Variants in CDH12 observed in about 807,000 individuals in gnomAD.
CDH12 encodes cadherin-12.
Under a neutral mutation model 74.1 loss-of-function variants are expected in CDH12, and 41 were observed. That is an observed-to-expected ratio of 0.55 (90% CI 0.43 to 0.72). The LOEUF (loss-of-function observed/expected upper bound fraction) is 0.72. Ranked by LOEUF, CDH12 falls within the 30% of genes least tolerant of loss-of-function variation. CDH12 has a pLI of 0.00. For missense variants in CDH12, 945 were observed against 977.2 expected (o/e 0.97, Z 0.44); for synonymous variants, 399 against 355.0 (o/e 1.12, Z -1.39).
chr5:21,775,809 T>C (rs1313221136), intron 11 of CDH12, among the ~76,000 whole-genome samples: 1 of 152,168 alleles, frequency 6.6e-6, no homozygotes, highest in South Asian at 2.1e-4. Flanking sequence ...AGCCAGATTG[T>C]TGCATTTCTC....
intron 2 of CDH12, among the ~76,000 whole-genome samples, chr5:22,475,816 G>A (rs1008547958): frequency 6.6e-6 from 1 of 151,918 alleles, no homozygotes; most frequent in Non-Finnish European, 1.5e-5. Flanking sequence ...TGCAAATTTT[G>A]AATTACTTTT....
chr5:21,818,270 CAT>C (rs1421021237), intron 8 of CDH12, among the ~76,000 whole-genome samples: 1 of 125,272 alleles, frequency 8.0e-6, no homozygotes, highest in Non-Finnish European at 1.7e-5. Context: ...TTTAGTTACA[CAT>C]TTGTGGAAAA....
intron 1 of CDH12, among the ~76,000 whole-genome samples, chr5:22,790,494 A>C (rs28738681): frequency 2.6e-5 from 4 of 152,058 alleles, no homozygotes; most frequent in Non-Finnish European, 5.9e-5. Flanking sequence ...AAAATGATCA[A>C]TGTAACTTTC....
intron 5 of CDH12, among the ~76,000 whole-genome samples, chr5:22,034,902 A>G (rs1330686303): frequency 2.0e-5 from 3 of 152,220 alleles, no homozygotes; most frequent in Non-Finnish European, 4.4e-5. Flanking sequence ...TACCAGGTAC[A>G]GTAAGTCATC....
At chr5:22,432,565 G>GTA (rs1330647282) in intron 2 of CDH12, among the ~76,000 whole-genome samples, 1 of 151,130 alleles carries the variant, frequency 6.6e-6, no homozygotes, top group East Asian at 1.9e-4. Flanking sequence ...GTGTGTGCGT[G>GTA]TGTGTGTGTG....
intron 1 of CDH12, among the ~76,000 whole-genome samples, chr5:22,681,223 T>C (rs981168457): frequency 8.8e-5 from 13 of 147,076 alleles, no homozygotes; most frequent in African/African-American, 3.3e-4. Context: ...TCCTGGGTAT[T>C]GGGGGGTGTG....
chr5:22,052,435 C>T lies in CDH12; in HGVS notation c.231+26011G>A, dbSNP rs192681528. Among the ~76,000 whole-genome samples the T allele has an allele frequency of 2.0e-3, 302 of 152,198 alleles. 4 individuals are homozygous for T. Among genetic ancestry groups the T allele is most frequent in the African/African-American group, 6.7e-3 (277 of 41,552 alleles). On this transcript the variant is annotated intron_variant, in intron 5 of 14. Transcript: ENST00000382254. ...CACCTATGACAGCCCACCCTGCCTC[C>T]CTCTAATCCCCTGTTCATGCTGCCA...
At chr5:22,713,125 G>A (rs981306117) in intron 1 of CDH12, among the ~76,000 whole-genome samples, 2 of 132,980 alleles carry the variant, frequency 1.5e-5, no homozygotes, top group Non-Finnish European at 3.2e-5. Context: ...ATGATCTTAT[G>A]CTAATTCTTT....
intron 1 of CDH12, among the ~76,000 whole-genome samples, chr5:22,753,951 A>C (rs1043597170): frequency 6.6e-6 from 1 of 152,140 alleles, no homozygotes; most frequent in African/African-American, 2.4e-5. Context: ...CTTAATGAAA[A>C]GGGGAACAGC....
rs70959715 is a variant in CDH12, at chr5:22,315,119, C to CTTT, written c.-333+90135_-333+90137dup. Among the ~76,000 whole-genome samples, 224 of 22,996 alleles carry CTTT rather than the reference C, an allele frequency of 9.7e-3. 61 individuals are homozygous for CTTT. Among genetic ancestry groups the CTTT allele is most frequent in the East Asian group, 0.025 (15 of 592 alleles). 15.1% of individuals were successfully genotyped at this position (22,996 alleles called of 152,430 possible). A position where few individuals can be genotyped will look rare whatever the true frequency, so the allele number is the denominator to read the frequency against. ...GGCGCCTGCCACCGTGCCTGCCTGGCTTTTTTTTTTTTTTTTTTTTTTTTA... is the reference window on the plus strand; with the variant it reads ...GGCGCCTGCCACCGTGCCTGCCTGGCTTTTTTTTTTTTTTTTTTTTTTTTTTTA... On this transcript the variant is annotated intron_variant, in intron 3 of 14. Transcript: ENST00000382254.
chr5:22,448,412 T>C (rs2126556965), intron 2 of CDH12, among the ~76,000 whole-genome samples: 1 of 151,754 alleles, frequency 6.6e-6, no homozygotes, highest in East Asian at 1.9e-4. Flanking sequence ...CCCACAAACA[T>C]AAAACTATAA....
intron 3 of CDH12, among the ~76,000 whole-genome samples, chr5:22,219,243 G>C (rs538121726): frequency 6.6e-6 from 1 of 151,752 alleles, no homozygotes; most frequent in South Asian, 2.1e-4. Context: ...CATTTGACAG[G>C]CATGAAGATG....
chr5:22,568,352 A>T (rs904573219), intron 1 of CDH12, among the ~76,000 whole-genome samples: 1 of 152,192 alleles, frequency 6.6e-6, no homozygotes, highest in Non-Finnish European at 1.5e-5. Context: ...GTTGGGGTTG[A>T]TATATATGTA....
chr5:22,838,762 C>A (rs2126517259), intron 1 of CDH12, among the ~76,000 whole-genome samples: 1 of 151,194 alleles, frequency 6.6e-6, no homozygotes, highest in African/African-American at 2.4e-5. Context: ...ACAACCTCTG[C>A]CTCCTGGGCT....
intron 8 of CDH12, among the ~76,000 whole-genome samples, chr5:21,827,161 A>G (rs952129454): frequency 2.0e-5 from 3 of 152,136 alleles, no homozygotes; most frequent in African/African-American, 7.2e-5. Flanking sequence ...ATAGTTCCTC[A>G]TTTTGTCTGC....
rs947053250 is a variant in CDH12 at position 21,777,815 on chromosome 5, A to G, written c.1393+5543T>C. Among the ~76,000 whole-genome samples the G allele has an allele frequency of 1.3e-3, 195 of 152,248 alleles. 4 individuals carry two copies. Among genetic ancestry groups the G allele is most frequent in the Non-Finnish European group, 8.8e-5 (6 of 68,014 alleles). ...CTACCACTAACATTTTTAAGTTAAC[A>G]TTCTAACTGACAGATACAACTGTAT... On this transcript the variant is annotated intron_variant, in intron 11 of 14. Coordinates refer to ENST00000382254, the MANE Select transcript of CDH12 (RefSeq NM_004061.5).
intron 7 of CDH12, among the ~76,000 whole-genome samples, chr5:21,849,268 G>T (rs1374091021): frequency 6.6e-6 from 1 of 151,542 alleles, no homozygotes; most frequent in Non-Finnish European, 1.5e-5. Flanking sequence ...CATCCCTCCG[G>T]AATATTTTCC....
chr5:22,418,787 G>A (rs1395726891), intron 2 of CDH12, among the ~76,000 whole-genome samples: 1 of 152,072 alleles, frequency 6.6e-6, no homozygotes, highest in East Asian at 1.9e-4. Context: ...AAGAGGCTGA[G>A]GCAGGAGAAT....
chr5:22,566,491 A>G (rs1007803461), intron 1 of CDH12, among the ~76,000 whole-genome samples: 3 of 151,982 alleles, frequency 2.0e-5, no homozygotes, highest in Admixed American at 1.3e-4. Flanking sequence ...CCACCGCCTC[A>G]GCTCCCAAAG....
Sources: allele counts gnomAD v4.1 joint callset (sites outside exome capture counted in the v4.1 genomes callset), GRCh38; gene constraint gnomAD v4.1.1; transcripts MANE v1.5; gene names NCBI Gene and HGNC (gene_info 2026-07-23, HGNC 2026-07-21).